LIFR: variants seen among roughly 807,000 people sequenced by gnomAD.
LIFR encodes LIF receptor subunit alpha, also known as leukemia inhibitory factor receptor.
In LIFR, 84 loss-of-function variants were observed where a neutral mutation model predicts 122.2. The observed-to-expected ratio is 0.69, with a 90% CI of 0.58 to 0.82. The LOEUF (loss-of-function observed/expected upper bound fraction) is 0.82. Ranked by LOEUF, LIFR falls within the 40% of genes least tolerant of loss-of-function variation. LIFR has a pLI of 0.00. For synonymous variants in LIFR, 422 were observed against 434.7 expected, an observed-to-expected ratio of 0.97 and a Z score of 0.36; for missense variants, 1,294 against 1,311.6, an observed-to-expected ratio of 0.99 and a Z score of 0.21.
intron 13 of LIFR, among the ~76,000 whole-genome samples, chr5:38,495,302 C>G (rs1435759063): frequency 6.6e-6 from 1 of 152,198 alleles, no homozygotes; most frequent in Non-Finnish European, 1.5e-5. Context: ...AACATATAAT[C>G]TAAATCAGTA....
chr5:38,540,348 G>A (rs1355508992), intron 1 of LIFR, among the ~76,000 whole-genome samples: 1 of 152,188 alleles, frequency 6.6e-6, no homozygotes, highest in Non-Finnish European at 1.5e-5. Context: ...CGACCTGTCC[G>A]GTGAATACTG....
At position 38,523,452 on chromosome 5, in the gene LIFR, A is replaced by C; in HGVS notation, c.528T>G (p.Val176=). Residue 176 remains valine (V), a synonymous_variant, in exon 5 of 20, where the codon GTT becomes GTG. Coordinates refer to ENST00000453190, the MANE Select transcript of LIFR (RefSeq NM_001127671.2). ...HRSNVIWEIK[V]LRKESMELVK... ...CGAGCTCCATACTCTCTTTACGTAG[A>C]ACTTTAATTTCCCAGATAACATTTG... 1.2e-6 allele frequency: 2 copies of C among 1,613,210 alleles called. No homozygotes were observed. Among genetic ancestry groups the C allele is most frequent in the Non-Finnish European group, 1.7e-6 (2 of 1,179,654 alleles).
intron 1 of LIFR, 56 bp downstream of exon 1, chr5:38,556,278 T>A (rs1561206202): frequency 6.6e-6 from 1 of 151,186 alleles, no homozygotes. Context: ...GGGACCCCGC[T>A]CGGGGCTCCG....
At position 38,481,441 on chromosome 5, in the gene LIFR, G is replaced by T; in HGVS notation, c.*154C>A. The T allele has an allele frequency of 1.2e-6, 1 of 854,718 alleles. No individual in the cohort carries two copies. Among genetic ancestry groups the T allele is most frequent in the Non-Finnish European group, 1.9e-6 (1 of 519,128 alleles). 52.9% of individuals were successfully genotyped at this position (854,718 alleles called of 1,614,324 possible). On this transcript the variant is annotated 3_prime_UTR_variant, in exon 20 of 20. Transcript: ENST00000453190. The stretch of plus-strand genomic sequence containing the variant: ...CTTTGGCTTTTAGACTACATTAAAA[G>T]CACATGAACACTTTCAGTGTAACTT...
chr5:38,582,540 C>A (rs977851594), intron 1 of LIFR, among the ~76,000 whole-genome samples: 1 of 152,052 alleles, frequency 6.6e-6, no homozygotes, highest in Non-Finnish European at 1.5e-5. Context: ...ATATAATATT[C>A]AAATTAAAAT....
chr5:38,476,504 T>C lies in LIFR; in HGVS notation c.*5091A>G, dbSNP rs1337265645. On this transcript the variant is annotated 3_prime_UTR_variant, in exon 20 of 20. Coordinates refer to ENST00000453190, the MANE Select transcript of LIFR (RefSeq NM_001127671.2). ...GTATTTTAGTCTTAAGGGCAACACA[T>C]AGGATCTATGTTGTTAGCTTTTTTT... The C allele has an allele frequency of 4.8e-6, 1 of 208,232 alleles. No individual in the cohort carries two copies. The highest frequency in any genetic ancestry group is 9.7e-6 in the Non-Finnish European group (1 of 102,846). The allele number at this position is 208,232 out of a possible 1,614,324, so 12.9% of individuals were successfully genotyped here.
chr5:38,557,298 A>AT (rs1000094306), upstream of LIFR: 10 of 152,088 alleles, frequency 6.6e-5, no homozygotes, highest in Admixed American at 4.6e-4. Flanking sequence ...GAAGAAACGG[A>AT]TCTCTTAATG....
intron 1 of LIFR, among the ~76,000 whole-genome samples, chr5:38,590,671 G>A (rs1749894416): frequency 1.3e-5 from 2 of 152,150 alleles, no homozygotes; most frequent in Non-Finnish European, 2.9e-5. Flanking sequence ...TCCTCACTAT[G>A]TACCAGACAC....
intron 1 of LIFR, among the ~76,000 whole-genome samples, chr5:38,592,438 A>G (rs1749950776): frequency 6.6e-6 from 1 of 152,274 alleles, no homozygotes; most frequent in Non-Finnish European, 1.5e-5. Flanking sequence ...TGGGCAGATC[A>G]GCTGAGGCCA....
chr5:38,544,143 G>A (rs577047824), intron 1 of LIFR, among the ~76,000 whole-genome samples: 141 of 152,104 alleles, frequency 9.3e-4, no homozygotes, highest in African/African-American at 2.9e-3. Context: ...CAAATTAAGC[G>A]CACCAACCTC....
At chr5:38,483,008 G>A (rs902927366) in intron 18 of LIFR, among the ~76,000 whole-genome samples, 2 of 152,220 alleles carry the variant, frequency 1.3e-5, no homozygotes, top group Non-Finnish European at 2.9e-5. Flanking sequence ...CTGCTTTACT[G>A]AGGTGGTTAA....
intron 1 of LIFR, among the ~76,000 whole-genome samples, chr5:38,550,972 A>T (rs1748171897): frequency 6.6e-6 from 1 of 152,178 alleles, no homozygotes; most frequent in Non-Finnish European, 1.5e-5. Context: ...ATTATTCATA[A>T]GAGCTATGCA....
chr5:38,490,600 A>AT (rs758871475), intron 14 of LIFR: 1,601 of 153,776 alleles, frequency 0.01, 2 homozygotes, highest in South Asian at 0.031. Flanking sequence ...TCATTGCTTG[A>AT]TTTTTTTTTT....
intron 1 of LIFR, among the ~76,000 whole-genome samples, chr5:38,580,543 G>A (rs1749547214): frequency 6.6e-6 from 1 of 151,972 alleles, no homozygotes; most frequent in Non-Finnish European, 1.5e-5. Context: ...GAATTAATCT[G>A]CTACCTGGCC....
intron 1 of LIFR, among the ~76,000 whole-genome samples, chr5:38,534,297 G>T (rs1166851418): frequency 6.6e-6 from 1 of 152,194 alleles, no homozygotes; most frequent in Non-Finnish European, 1.5e-5. Context: ...CTGCAGTTTG[G>T]TAGACTCCAT....
At chr5:38,486,904 T>A (rs1490950861) in intron 16 of LIFR, among the ~76,000 whole-genome samples, 1 of 152,266 alleles carries the variant, frequency 6.6e-6, no homozygotes, top group African/African-American at 2.4e-5. Context: ...GAGTTACTGC[T>A]AAGACACATT....
intron 13 of LIFR, among the ~76,000 whole-genome samples, chr5:38,495,670 A>G (rs191674962): frequency 6.6e-6 from 1 of 152,330 alleles, no homozygotes; most frequent in East Asian, 1.9e-4. Flanking sequence ...TATCGGGGCA[A>G]GAGAGCAAAG....
At chr5:38,564,127 A>T (rs1748927825) in intron 1 of LIFR, among the ~76,000 whole-genome samples, 1 of 152,124 alleles carries the variant, frequency 6.6e-6, no homozygotes, top group Non-Finnish European at 1.5e-5. Flanking sequence ...GCTAGTTGAG[A>T]TAGAGACTTG....
intron 1 of LIFR, among the ~76,000 whole-genome samples, chr5:38,562,757 T>G (rs1389645864): frequency 1.3e-5 from 2 of 152,210 alleles, no homozygotes; most frequent in Non-Finnish European, 1.5e-5. Flanking sequence ...ATATTGCACT[T>G]AATCCACCAC....
Sources: gnomAD v4.1 joint callset for allele counts (sites outside exome capture counted in the v4.1 genomes callset) on GRCh38, gnomAD v4.1.1 for gene constraint, MANE v1.5 for transcripts, NCBI Gene and HGNC (gene_info 2026-07-23, HGNC 2026-07-21) for gene names.